Variants in SLC1A6 observed in about 807,000 individuals in gnomAD.
SLC1A6 encodes the protein excitatory amino acid transporter 4.
SLC1A6 carries 15 observed loss-of-function variants against 42.1 expected under a neutral mutation model. That is an observed-to-expected ratio of 0.36 (90% CI 0.24 to 0.55). The LOEUF is 0.55. SLC1A6 is among the 20% of genes least tolerant of loss of function. The pLI is 0.88. For missense variants in SLC1A6, 542 were observed against 772.5 expected (o/e 0.70, Z 3.54); for synonymous variants, 317 against 319.7 (o/e 0.99, Z 0.09).
At chr19:14,971,660 G>C (rs1600009449) in intron 3 of SLC1A6, 77 bp downstream of exon 3, 1 of 1,437,028 alleles carries the variant, frequency 7.0e-7, no homozygotes. Context: ...TCCCATGCTT[G>C]GGATGGCCTT....
upstream of SLC1A6, among the ~76,000 whole-genome samples, chr19:14,983,345 A>T (rs2045776974): frequency 6.6e-6 from 1 of 152,096 alleles, no homozygotes; most frequent in Non-Finnish European, 1.5e-5. Flanking sequence ...AGTGCTGTCT[A>T]GCGTTTCTAA....
At chr19:15,002,729 G>A (rs950038005) in intron 1 of SLC1A6, among the ~76,000 whole-genome samples, 2 of 152,108 alleles carry the variant, frequency 1.3e-5, no homozygotes, top group African/African-American at 4.8e-5. Context: ...ACAGAGTAGA[G>A]GTGAAAAAGA....
chr19:14,950,365 C>A lies in SLC1A6; in HGVS notation c.1525G>T (p.Val509Leu). 1 of 1,594,782 alleles carries A rather than the reference C, an allele frequency of 6.3e-7. No individual in the cohort carries two copies. The highest frequency in any genetic ancestry group is 8.6e-7 in the Non-Finnish European group (1 of 1,167,280). ...GCCGCTCCAATTGAGTCCCCCAGTACGTTGGTCATTGTGCGAAGCCGGTCA... is the reference window on the plus strand; with the variant it reads ...GCCGCTCCAATTGAGTCCCCCAGTAAGTTGGTCATTGTGCGAAGCCGGTCA... Reference protein sequence around the residue: ...FLDRLRTMTNVLGDSIGAAVI... With the variant: ...FLDRLRTMTNLLGDSIGAAVI... Residue 509 changes from valine to leucine, a missense_variant, in exon 10 of 10, where the codon GTA (valine) becomes TTA (leucine). Physicochemically the swap from Val to Leu is conservative, Grantham distance 32. Around this residue, in one of 6 missense-constraint regions of SLC1A6, gnomAD observed 73 missense variants for 85.2 expected, o/e 0.86. Coordinates refer to ENST00000594383, the MANE Select transcript of SLC1A6 (RefSeq NM_005071.3).
intron 4 of SLC1A6, among the ~76,000 whole-genome samples, chr19:14,967,589 G>A (rs1219674772): frequency 2.0e-5 from 3 of 152,110 alleles, no homozygotes; most frequent in Non-Finnish European, 4.4e-5. Context: ...CAGGCTCTTT[G>A]GGGCAATAAG....
Position 14,973,031 on chromosome 19 carries a change from G to A in SLC1A6, c.-7-114C>T, listed in dbSNP as rs570127132. 8.0e-4 allele frequency: 626 copies of A among 784,614 alleles called. 6 individuals are homozygous for A. The South Asian group carries it at 0.012, about 15-fold the overall frequency. 48.6% of individuals were successfully genotyped at this position (784,614 alleles called of 1,614,324 possible). A position where few individuals can be genotyped will look rare whatever the true frequency, so the allele number is the denominator to read the frequency against. ...CGCTTCCTGAGGACTCTCAGAAGGC[G>A]GGGGTGGCTGGGTGTTTTGGCTCAC... On this transcript the variant is annotated intron_variant, in intron 1 of 9. Transcript: ENST00000594383.
At chr19:14,971,904 G>A in intron 2 of SLC1A6, 30 bp from the exon 3 acceptor site, 1 of 1,612,682 alleles carries the variant, frequency 6.2e-7, no homozygotes, top group Non-Finnish European at 8.5e-7. Context: ...TCCATGGACT[G>A]AAGTCTGGGT....
At chr19:14,982,026 C>T (rs938138849), upstream of SLC1A6, among the ~76,000 whole-genome samples, 2 of 151,362 alleles carry the variant, frequency 1.3e-5, no homozygotes, top group African/African-American at 4.9e-5. Context: ...CCACAGCACT[C>T]CAGCCTGGGC....
At chr19:14,954,009 G>C (rs1252304293) in intron 8 of SLC1A6, 126 bp downstream of exon 8, 3 of 808,008 alleles carry the variant, frequency 3.7e-6, no homozygotes, top group African/African-American at 1.7e-5. Flanking sequence ...CCCACATCCC[G>C]CTTCCAACAT....
intron 1 of SLC1A6, among the ~76,000 whole-genome samples, chr19:14,987,473 A>G (rs2045798384): frequency 6.6e-6 from 1 of 151,894 alleles, no homozygotes; most frequent in Non-Finnish European, 1.5e-5. Context: ...GTCTCGGAAA[A>G]AAAAAATTTT....
intron 1 of SLC1A6, among the ~76,000 whole-genome samples, chr19:14,990,773 A>T (rs2045815686): frequency 1.7e-5 from 1 of 57,494 alleles, no homozygotes; most frequent in Non-Finnish European, 3.3e-5. Context: ...CTGTCTCAAA[A>T]AACAAAACAA....
intron 1 of SLC1A6, among the ~76,000 whole-genome samples, chr19:15,000,739 G>C (rs7254395): frequency 0.097 from 14,825 of 152,112 alleles, 882 homozygotes; most frequent in East Asian, 0.2. Context: ...ACACGGCATT[G>C]TCCCCATGCA....
Position 14,956,567 on chromosome 19 carries a change from G to A in SLC1A6, c.1078C>T (p.Leu360Phe). 1.9e-6 allele frequency: 3 copies of A among 1,613,796 alleles called. No homozygotes were observed. Among genetic ancestry groups the A allele is most frequent in the Non-Finnish European group, 2.5e-6 (3 of 1,179,880 alleles). Residue 360 changes from leucine to phenylalanine, a missense_variant, in exon 7 of 10, where the codon CTC (leucine) becomes TTC (phenylalanine). Leu to Phe is a conservative substitution (Grantham distance 22, BLOSUM62 0). Coordinates refer to ENST00000594383, the MANE Select transcript of SLC1A6 (RefSeq NM_005071.3). ...LFLHAGIVLP[L>F]IYFLVTHRNP... ...CGGTGAGTGACGAGGAAGTAGATGAGGGGAAGGACAATGCCGGCATGGAGG... is the reference window on the plus strand; with the variant it reads ...CGGTGAGTGACGAGGAAGTAGATGAAGGGAAGGACAATGCCGGCATGGAGG...
intron 1 of SLC1A6, among the ~76,000 whole-genome samples, chr19:14,999,831 A>G (rs1161976745): frequency 6.6e-6 from 1 of 150,632 alleles, no homozygotes; most frequent in Non-Finnish European, 1.5e-5. Flanking sequence ...ACATTTTATT[A>G]TAAAATAGGT....
intron 1 of SLC1A6, among the ~76,000 whole-genome samples, chr19:14,997,128 C>A (rs74792303): frequency 1.3e-5 from 2 of 152,118 alleles, no homozygotes; most frequent in Non-Finnish European, 2.9e-5. Context: ...AAAGGACAGA[C>A]AAAACTCAGT....
intron 1 of SLC1A6, among the ~76,000 whole-genome samples, chr19:15,007,064 C>A (rs75340134): frequency 0.073 from 11,127 of 152,132 alleles, 945 homozygotes; most frequent in African/African-American, 0.21. Flanking sequence ...GCTGGGTGCT[C>A]GGTAGTGGAA....
At chr19:14,996,705 C>A (rs1369437263) in intron 1 of SLC1A6, among the ~76,000 whole-genome samples, 1 of 152,080 alleles carries the variant, frequency 6.6e-6, no homozygotes, top group Non-Finnish European at 1.5e-5. Flanking sequence ...CATCTTACTG[C>A]TCCACTCTCC....
chr19:14,973,108 C>T, intron 1 of SLC1A6, 191 bp from the exon 2 acceptor site: 1 of 580,818 alleles, frequency 1.7e-6, no homozygotes, highest in East Asian at 2.9e-5. Context: ...CACTTGCGCC[C>T]AGGAGTTCAA....
At chr19:14,959,479 C>T (rs1179026938) in intron 6 of SLC1A6, among the ~76,000 whole-genome samples, 1 of 152,216 alleles carries the variant, frequency 6.6e-6, no homozygotes, top group Non-Finnish European at 1.5e-5. Context: ...AATTGCCTTG[C>T]TGAGATAATT....
rs976685277 is a variant in SLC1A6, at chr19:14,956,640, C to A, written c.1005G>T (p.Leu335=). ...GGGTGTACATGCCCAGCTGACCCCCCAGGACGGCCATGTCTTCCATCTCCA... is the reference window on the plus strand; with the variant it reads ...GGGTGTACATGCCCAGCTGACCCCCAAGGACGGCCATGTCTTCCATCTCCA... ...KILEMEDMAV[L]GGQLGMYTLT... is the part of the protein sequence containing the mutation. Residue 335 remains leucine (L), a synonymous_variant, in exon 7 of 10, where the codon CTG becomes CTT. Transcript: ENST00000594383. The A allele has an allele frequency of 2.5e-6, 4 of 1,613,876 alleles. No individual in the cohort carries two copies. Among genetic ancestry groups the A allele is most frequent in the Admixed American group, 1.7e-5 (1 of 59,986 alleles).
Sources: allele counts gnomAD v4.1 joint callset (sites outside exome capture counted in the v4.1 genomes callset), GRCh38; gene constraint gnomAD v4.1.1; regional missense constraint gnomAD v4.1.1; transcripts MANE v1.5; gene names NCBI Gene and HGNC (gene_info 2026-07-23, HGNC 2026-07-21).